Variants in DDX31 observed in about 807,000 individuals in gnomAD.
DDX31 encodes ATP-dependent DNA helicase DDX31.
DDX31 carries 70 observed loss-of-function variants against 91.3 expected under a neutral mutation model. The ratio of observed to expected loss-of-function variants is 0.77; its 90% CI spans 0.63 to 0.94. The LOEUF (loss-of-function observed/expected upper bound fraction) is 0.94. Ranked by LOEUF, DDX31 falls within the 40% of genes least tolerant of loss-of-function variation. The pLI, the probability that DDX31 is intolerant of heterozygous loss-of-function variation, is 0.00. For synonymous variants in DDX31, 362 were observed against 350.6 expected (o/e 1.03, Z -0.36); for missense variants, 902 against 925.0 (o/e 0.98, Z 0.32).
chr9:132,661,830 T>C (rs1364041512), intron 3 of DDX31, among the ~76,000 whole-genome samples: 2 of 152,170 alleles, frequency 1.3e-5, no homozygotes, highest in African/African-American at 4.8e-5. Context: ...TCTCTAAAAC[T>C]GTGGACGTCC....
rs780465736 is a variant in DDX31, at chr9:132,648,248, G to A, written c.908C>T (p.Ala303Val). 17 of 1,613,794 alleles carry A rather than the reference G, an allele frequency of 1.1e-5. No individual in the cohort carries two copies. Among genetic ancestry groups the A allele is most frequent in the Non-Finnish European group, 1.4e-5 (17 of 1,180,006 alleles). ...TCGTTTTTGGCATTCAGCATTTACA[G>A]CATTAAGTATCACTGTGATGTCCTT... ...FEKDITVILN[A>V]VNAECQKRQN... Residue 303 changes from alanine (A) to valine (V), a missense_variant, in exon 11 of 20, where the codon GCT (alanine) becomes GTT (valine). Transcript: ENST00000372159.
rs1177586174 is a variant in DDX31, at chr9:132,595,950, A to G, written c.1995-838T>C. Among the ~76,000 whole-genome samples the G allele has an allele frequency of 8.5e-5, 13 of 152,276 alleles. No homozygotes were observed. Among genetic ancestry groups the G allele is most frequent in the Non-Finnish European group, 1.5e-5 (1 of 68,050 alleles). ...TGTTCAATCATACATAAGAAGAATG[A>G]TTATGAAAACTGAAGAGTAAAACAA... On this transcript the variant is annotated intron_variant, in intron 19 of 19. Coordinates refer to ENST00000372159, the MANE Select transcript of DDX31 (RefSeq NM_022779.9). The surrounding 1 kb of genome is among the most constrained non-coding windows in gnomAD (Gnocchi z 4.6).
At position 132,594,848 on chromosome 9, in the gene DDX31, C is replaced by T. The variant is rs189935935; in HGVS notation, c.*18G>A. The T allele has an allele frequency of 7.5e-6, 12 of 1,608,630 alleles. No individual in the cohort carries two copies. The highest frequency in any genetic ancestry group is 5.0e-5 in the Admixed American group (3 of 59,900). ...CCACCCGGGGCTTCCAGGTTCCACTCGAAGACCCAGAGAGATTTTAAACTT... is the reference window on the plus strand; with the variant it reads ...CCACCCGGGGCTTCCAGGTTCCACTTGAAGACCCAGAGAGATTTTAAACTT... On this transcript the variant is annotated 3_prime_UTR_variant, in exon 20 of 20. Transcript: ENST00000372159.
chr9:132,610,010 G>A (rs898176353), intron 19 of DDX31, among the ~76,000 whole-genome samples: 5 of 152,198 alleles, frequency 3.3e-5, no homozygotes, highest in African/African-American at 1.2e-4. Flanking sequence ...AAAATGATCA[G>A]GCTTCTGATG....
intron 19 of DDX31, among the ~76,000 whole-genome samples, chr9:132,611,742 A>T (rs974919175): frequency 2.0e-4 from 31 of 152,028 alleles, no homozygotes; most frequent in African/African-American, 7.0e-4. Context: ...CTGGGCACTC[A>T]GCCCTTCCAT....
At chr9:132,607,554 G>C (rs962624401) in intron 19 of DDX31, among the ~76,000 whole-genome samples, 3 of 152,198 alleles carry the variant, frequency 2.0e-5, no homozygotes, top group African/African-American at 7.2e-5. Context: ...ACTATAAACT[G>C]AATCGTCTGG....
chr9:132,599,898 G>A (rs2119191683), intron 19 of DDX31, among the ~76,000 whole-genome samples: 1 of 152,384 alleles, frequency 6.6e-6, no homozygotes, highest in South Asian at 2.1e-4. Flanking sequence ...GTGAACGCAG[G>A]AGACCGTGAG....
chr9:132,600,111 G>GGGAT (rs1005412008), intron 19 of DDX31, among the ~76,000 whole-genome samples: 46 of 152,338 alleles, frequency 3.0e-4, no homozygotes, highest in African/African-American at 1.1e-3. Context: ...AAGCTGGTGT[G>GGGAT]GGATGTCATG....
In DDX31 at chr9:132,642,016, G is replaced by A. The variant is rs762888265; in HGVS notation, c.1428C>T (p.Val476=). The A allele has an allele frequency of 6.2e-7, 1 of 1,614,146 alleles. No individual in the cohort carries two copies. Among genetic ancestry groups the A allele is most frequent in the Non-Finnish European group, 8.5e-7 (1 of 1,179,970 alleles). Residue 476 remains valine (V), a synonymous_variant, in exon 14 of 20, where the codon GTC becomes GTT. Coordinates refer to ENST00000372159, the MANE Select transcript of DDX31 (RefSeq NM_022779.9). ...GGAGGATACGTACCGTGCAAAGAAG[G>A]ACGCCTCTTCTGGAATGTGAAAATT... ...FQEFSHSRRG[V]LLCTDVAARG...
At position 132,594,351 on chromosome 9, in the gene DDX31, T is replaced by C. The variant is rs979421063; in HGVS notation, c.*515A>G. On this transcript the variant is annotated 3_prime_UTR_variant, in exon 20 of 20. Coordinates refer to ENST00000372159, the MANE Select transcript of DDX31 (RefSeq NM_022779.9). ...ACTTTTGGTCCTTTTTAACGGTACATTCCTACATTAAGAAAATAATTAGTG... is the reference window on the plus strand; with the variant it reads ...ACTTTTGGTCCTTTTTAACGGTACACTCCTACATTAAGAAAATAATTAGTG... The C allele has an allele frequency of 1.3e-5, 2 of 153,876 alleles. No homozygotes were observed. Among genetic ancestry groups the C allele is most frequent in the Non-Finnish European group, 2.9e-5 (2 of 69,130 alleles). 9.5% of individuals were successfully genotyped at this position (153,876 alleles called of 1,614,324 possible). A position where few individuals can be genotyped will look rare whatever the true frequency, so the allele number is the denominator to read the frequency against.
chr9:132,642,143 TC>T (rs1833545152), intron 13 of DDX31, 80 bp from the exon 14 acceptor site: 2 of 1,248,982 alleles, frequency 1.6e-6, no homozygotes, highest in Admixed American at 3.6e-5. Context: ...CCTAGCTCTC[TC>T]CATCTCCTAC....
chr9:132,605,115 A>T (rs1830936232), intron 19 of DDX31, among the ~76,000 whole-genome samples: 2 of 151,984 alleles, frequency 1.3e-5, no homozygotes, highest in Non-Finnish European at 2.9e-5. Flanking sequence ...TTCCAAATTC[A>T]CTACACAATA....
In DDX31 at chr9:132,630,207, C is replaced by T. The variant is rs189999986; in HGVS notation, c.1631+57G>A. The T allele has an allele frequency of 7.6e-5, 114 of 1,497,704 alleles. No individual in the cohort carries two copies. In the East Asian group the frequency reaches 1.3e-3, roughly 17 times the overall value. The allele number at this position is 1,497,704 out of a possible 1,614,324, so 92.8% of individuals were successfully genotyped here. On this transcript the variant is annotated intron_variant, in intron 16 of 19. Coordinates refer to ENST00000372159, the MANE Select transcript of DDX31 (RefSeq NM_022779.9). ...TACAAGGCCCATTCACTGTAAAAAG[C>T]GACAGAAAGTTAATTAGGTGAGACC...
intron 6 of DDX31, among the ~76,000 whole-genome samples, chr9:132,653,035 T>C (rs1834309754): frequency 2.0e-5 from 3 of 151,710 alleles, no homozygotes; most frequent in African/African-American, 4.9e-5. Context: ...TCCTGGCCCA[T>C]ACAATCAGAC....
In DDX31 at chr9:132,662,457, T is replaced by A. The variant is rs1463161258; in HGVS notation, c.314A>T (p.Asp105Val). The change falls in exon 2 of 20, where the codon GAC becomes GTC. Residue 105 changes from aspartate to valine, a missense_variant. Transcript: ENST00000372159. ...KTSSLFKNNP[D>V]IPELHRPVVK... ...GACATACCTGTGGAGTTCTGGAATG[T>A]CAGGGTTGTTTTTAAACAGTGATGA... 2 of 1,614,080 alleles carry A rather than the reference T, an allele frequency of 1.2e-6. No homozygotes were observed. Among genetic ancestry groups the A allele is most frequent in the African/African-American group, 2.7e-5 (2 of 74,924 alleles).
At chr9:132,645,385 T>A (rs1833761299) in intron 13 of DDX31, among the ~76,000 whole-genome samples, 1 of 152,122 alleles carries the variant, frequency 6.6e-6, no homozygotes, top group Non-Finnish European at 1.5e-5. Flanking sequence ...CACGGTACCC[T>A]CTCCCAACCG....
In DDX31 at chr9:132,646,979, G is replaced by C; in HGVS notation, c.1047C>G (p.Asn349Lys). 2.5e-6 allele frequency: 4 copies of C among 1,614,166 alleles called. No homozygotes were observed. In the African/African-American group the frequency reaches 4.0e-5, roughly 16 times the overall value. The change falls in exon 12 of 20, where the codon AAC becomes AAG. Residue 349 changes from asparagine (N) to lysine (K), a missense_variant. Coordinates refer to ENST00000372159, the MANE Select transcript of DDX31 (RefSeq NM_022779.9). ...CCTCCTGGACCGCTTTGTCCTTTGG[G>C]TTCAACTGGTCATGGCTCTTGTCCA... is the stretch of plus-strand genomic sequence containing the variant. ...SVLDKSHDQL[N>K]PKDKAVQEVC...
At chr9:132,669,707 T>C in intron 1 of DDX31, 153 bp downstream of exon 1, 1 of 1,533,438 alleles carries the variant, frequency 6.5e-7, no homozygotes, top group Non-Finnish European at 8.7e-7. Flanking sequence ...GACACGTGTT[T>C]CGGCGCAACT....
At chr9:132,646,218 A>G (rs753641987) in intron 12 of DDX31, 147 bp from the exon 13 acceptor site, 1 of 820,976 alleles carries the variant, frequency 1.2e-6, no homozygotes, top group Non-Finnish European at 1.8e-6. Context: ...AACAAAAACA[A>G]AAACAGTGAT....
Sources: gnomAD v4.1 joint callset for allele counts (sites outside exome capture counted in the v4.1 genomes callset) on GRCh38, gnomAD v4.1.1 for gene constraint, Gnocchi (gnomAD v3.1) non-coding constraint, MANE v1.5 for transcripts, NCBI Gene and HGNC (gene_info 2026-07-23, HGNC 2026-07-21) for gene names.